The following KIAA1549L variants were observed in gnomAD, a reference collection of about 807,000 sequenced individuals.
KIAA1549L encodes the protein UPF0606 protein KIAA1549L.
Under a neutral mutation model 160.7 loss-of-function variants are expected in KIAA1549L, and 88 were observed. That is an observed-to-expected ratio of 0.55 (90% confidence interval 0.46 to 0.65). KIAA1549L has a LOEUF of 0.65. Among genes scored for constraint, KIAA1549L ranks in the 30% least tolerant of loss-of-function variants. The pLI, the probability that KIAA1549L is intolerant of heterozygous loss-of-function variation, is 0.00. For missense variants in KIAA1549L, 2,258 were observed against 2,437.5 expected, an observed-to-expected ratio of 0.93 and a Z score of 1.55; for synonymous variants, 950 against 976.7, an observed-to-expected ratio of 0.97 and a Z score of 0.51.
intron 1 of KIAA1549L, among the ~76,000 whole-genome samples, chr11:33,470,141 A>G (rs1236829725): frequency 6.6e-6 from 1 of 152,016 alleles, no homozygotes; most frequent in Non-Finnish European, 1.5e-5. Context: ...AGAGTTTTGT[A>G]GTTTTAGCTC....
At chr11:33,524,835 A>G (rs1853577027) in intron 1 of KIAA1549L, among the ~76,000 whole-genome samples, 1 of 152,212 alleles carries the variant, frequency 6.6e-6, no homozygotes, top group South Asian at 2.1e-4. Context: ...TCAAAACCTC[A>G]TACTTGCTTG....
chr11:33,568,031 G>T (rs1855108914), intron 8 of KIAA1549L, 45 bp from the exon 9 acceptor site: 4 of 1,535,574 alleles, frequency 2.6e-6, no homozygotes, highest in Non-Finnish European at 3.5e-6. Context: ...TGAATCAGCA[G>T]AAAGTCTGCC....
intron 17 of KIAA1549L, among the ~76,000 whole-genome samples, chr11:33,654,527 G>A (rs1371735428): frequency 6.6e-6 from 1 of 152,142 alleles, no homozygotes; most frequent in Non-Finnish European, 1.5e-5. Flanking sequence ...CCTGAGCTGG[G>A]ATCATTGCCA....
At chr11:33,404,334 G>A (rs568382965) in intron 1 of KIAA1549L, among the ~76,000 whole-genome samples, 11 of 152,060 alleles carry the variant, frequency 7.2e-5, no homozygotes, top group Admixed American at 6.6e-4. Flanking sequence ...AGACCAGCCC[G>A]GGCAACATGG....
intron 1 of KIAA1549L, among the ~76,000 whole-genome samples, chr11:33,502,264 A>T (rs1283366480): frequency 5.3e-5 from 8 of 152,200 alleles, no homozygotes; most frequent in Admixed American, 5.2e-4. Context: ...GTCAGCTTTA[A>T]TCGGGGATTT....
At chr11:33,525,268 A>T (rs1853586504) in intron 1 of KIAA1549L, among the ~76,000 whole-genome samples, 1 of 152,216 alleles carries the variant, frequency 6.6e-6, no homozygotes, top group South Asian at 2.1e-4. Flanking sequence ...GAGGGGGAAA[A>T]GTTGGTCTCT....
chr11:33,561,691 A>G lies in KIAA1549L; in HGVS notation c.4034A>G (p.Asn1345Ser), dbSNP rs1161754151. 1.7e-5 allele frequency: 28 copies of G among 1,609,338 alleles called. No homozygotes were observed. The highest frequency in any genetic ancestry group is 2.2e-5 in the Non-Finnish European group (26 of 1,175,910). ...LTIAEPLEYP[N>S]LDISETTRDY... ...TTTGTTTTAGCACTGGAATATCCCA[A>G]CCTTGACATATCAGAAACAACCAGA... Residue 1345 changes from asparagine (N) to serine (S), a missense_variant, in exon 8 of 21, where the codon AAC becomes AGC. By Grantham distance (46) the Asn-to-Ser change is conservative (BLOSUM62 1). Around this residue, in one of 6 missense-constraint regions of KIAA1549L, gnomAD observed 1,359 missense variants for 1,546.6 expected, o/e 0.88. Transcript: ENST00000658780.
intron 1 of KIAA1549L, among the ~76,000 whole-genome samples, chr11:33,497,496 T>C (rs1438872209): frequency 6.6e-6 from 1 of 152,050 alleles, no homozygotes; most frequent in African/African-American, 2.4e-5. Context: ...GCCCCCAAAA[T>C]AATAAAAAAA....
chr11:33,590,138 A>G (rs377134135), intron 11 of KIAA1549L, among the ~76,000 whole-genome samples: 19 of 152,238 alleles, frequency 1.2e-4, no homozygotes, highest in African/African-American at 4.1e-4. Context: ...TTTAATCCTT[A>G]CAGCATCCCC....
At chr11:33,466,329 A>G (rs910809103) in intron 1 of KIAA1549L, among the ~76,000 whole-genome samples, 1 of 152,252 alleles carries the variant, frequency 6.6e-6, no homozygotes, top group Non-Finnish European at 1.5e-5. Flanking sequence ...ACACTTCTCA[A>G]AAAAAGACAT....
chr11:33,381,676 G>A (rs1434691278), intron 1 of KIAA1549L, among the ~76,000 whole-genome samples: 3 of 152,204 alleles, frequency 2.0e-5, no homozygotes, highest in African/African-American at 7.2e-5. Flanking sequence ...CACCTTGGTT[G>A]TTGTGGAGAG....
At position 33,424,030 on chromosome 11, in the gene KIAA1549L, GA is replaced by G. The variant is rs552324125; in HGVS notation, c.238+47153del. ...GGTGACAGAATGAGGCTCTGTCTTG[GA>G]AAAAAAAAAAAGAATTGGAAGAATT... On this transcript the variant is annotated intron_variant, in intron 1 of 20. Coordinates refer to ENST00000658780, the MANE Select transcript of KIAA1549L (RefSeq NM_012194.3). Among the ~76,000 whole-genome samples the G allele has an allele frequency of 1.6e-3, 226 of 142,750 alleles. 2 individuals are homozygous for G. The highest frequency in any genetic ancestry group is 7.7e-3 in the South Asian group (34 of 4,440). 93.6% of individuals were successfully genotyped at this position (142,750 alleles called of 152,430 possible).
chr11:33,528,227 T>C (rs1030347534), intron 1 of KIAA1549L, among the ~76,000 whole-genome samples: 2 of 152,072 alleles, frequency 1.3e-5, no homozygotes, highest in Non-Finnish European at 1.5e-5. Flanking sequence ...TATGAAAAAA[T>C]GCTCAAGATC....
chr11:33,598,034 TGGG>T (rs888738052), intron 12 of KIAA1549L, among the ~76,000 whole-genome samples: 2 of 152,058 alleles, frequency 1.3e-5, no homozygotes, highest in African/African-American at 4.8e-5. Flanking sequence ...GGGGAGCTCT[TGGG>T]GGGCATGGGG....
intron 1 of KIAA1549L, among the ~76,000 whole-genome samples, chr11:33,428,161 G>C (rs1047705602): frequency 2.0e-5 from 3 of 152,178 alleles, no homozygotes; most frequent in African/African-American, 7.2e-5. Context: ...TCATATGGTA[G>C]TTCTGTTTCA....
intron 1 of KIAA1549L, among the ~76,000 whole-genome samples, chr11:33,419,147 A>T (rs968129361): frequency 6.6e-6 from 1 of 152,178 alleles, no homozygotes; most frequent in Non-Finnish European, 1.5e-5. Flanking sequence ...TGCTGGGATT[A>T]CAGGCATGAG....
chr11:33,646,334 G>C (rs1851723342), intron 17 of KIAA1549L, among the ~76,000 whole-genome samples: 1 of 152,176 alleles, frequency 6.6e-6, no homozygotes, highest in Admixed American at 6.5e-5. Context: ...ACGCACTGGT[G>C]GTTTCCTACA....
In KIAA1549L at chr11:33,588,326, G is replaced by A. The variant is rs538144781; in HGVS notation, c.4567-2911G>A. ...GGGCGTGAGGGTGTGGTACAAAAGG[G>A]GTCAACAGGACATGAAACTGGGCAG... On this transcript the variant is annotated intron_variant, in intron 11 of 20. Transcript: ENST00000658780. Among the ~76,000 whole-genome samples the A allele has an allele frequency of 2.6e-5, 4 of 152,256 alleles. No homozygotes were observed. The South Asian group carries it at 8.3e-4, about 32-fold the overall frequency.
chr11:33,529,519 A>G (rs1853690441), intron 1 of KIAA1549L, among the ~76,000 whole-genome samples: 1 of 152,184 alleles, frequency 6.6e-6, no homozygotes, highest in Non-Finnish European at 1.5e-5. Flanking sequence ...CAGTCTTGTG[A>G]GACACATGTT....
Sources: allele counts gnomAD v4.1 joint callset (sites outside exome capture counted in the v4.1 genomes callset), GRCh38; gene constraint gnomAD v4.1.1; regional missense constraint gnomAD v4.1.1; transcripts MANE v1.5; gene names NCBI Gene and HGNC (gene_info 2026-07-23, HGNC 2026-07-21).